The following NUP62CL variants were observed in gnomAD, a reference collection of about 807,000 sequenced individuals.
NUP62CL encodes nucleoporin 62 C-terminal like.
In NUP62CL, 13 loss-of-function variants were observed where a neutral mutation model predicts 15.3. The observed-to-expected ratio is 0.85, with a 90% CI of 0.55 to 1.35. The LOEUF (loss-of-function observed/expected upper bound fraction) is 1.35, where lower values mean the gene tolerates loss of function less well. NUP62CL is among the 40% of genes most tolerant of loss of function. NUP62CL has a pLI of 0.00. For synonymous variants in NUP62CL, 54 were observed against 49.2 expected (o/e 1.10, Z -0.41); for missense variants, 123 against 130.6 (o/e 0.94, Z 0.28).
chrX:107,131,730 C>A, intron 8 of NUP62CL: 1 of 834,844 alleles, frequency 1.2e-6, no homozygotes, highest in Non-Finnish European at 1.8e-6. Flanking sequence ...ATTATTGATT[C>A]AGACTTTCTC....
intron 1 of NUP62CL, among the ~76,000 whole-genome samples, chrX:107,205,337 C>G (rs1927649645): frequency 8.9e-6 from 1 of 112,037 alleles, no homozygotes; most frequent in African/African-American, 3.2e-5. Context: ...TGCAAGACAG[C>G]TAAACTCTGA....
At chrX:107,196,487 G>A (rs978830831) in intron 1 of NUP62CL, among the ~76,000 whole-genome samples, 4 of 111,807 alleles carry the variant, frequency 3.6e-5, no homozygotes, top group African/African-American at 9.8e-5. Context: ...GCTGCAGTGC[G>A]ATGGCACAAT....
In NUP62CL at chrX:107,204,419, C is replaced by T. The variant is rs750955681; in HGVS notation, c.-92+1854G>A. Among the ~76,000 whole-genome samples the T allele has an allele frequency of 3.6e-5, 4 of 111,135 alleles. No homozygotes were observed. In the East Asian group the frequency reaches 1.1e-3, roughly 31 times the overall value. On this transcript the variant is annotated intron_variant, in intron 1 of 8. Coordinates refer to ENST00000372466, the MANE Select transcript of NUP62CL (RefSeq NM_017681.3). ...TTAATCTCAGATCCTGGACCCATCC[C>T]CCACCCCGCTACTTCCTCTACCTGG...
At chrX:107,189,946 A>AAAGAAAGG (rs67249953) in intron 2 of NUP62CL, among the ~76,000 whole-genome samples, 8 of 80,210 alleles carry the variant, frequency 1.0e-4, no homozygotes, top group South Asian at 5.3e-4. Flanking sequence ...AGAAAGAAAG[A>AAAGAAAGG]GAATCGATAC....
chrX:107,150,926 A>T (rs1377566826), intron 7 of NUP62CL: 1 of 342,985 alleles, frequency 2.9e-6, no homozygotes, highest in South Asian at 2.6e-5. Context: ...ATCTTGGGCC[A>T]TTTGTTTCAG....
chrX:107,148,366 T>G (rs1046843522), intron 7 of NUP62CL, among the ~76,000 whole-genome samples: 1 of 111,671 alleles, frequency 9.0e-6, no homozygotes, highest in Non-Finnish European at 1.9e-5. Flanking sequence ...ATATAAGTGG[T>G]GATTACTGGA....
chrX:107,131,774 T>C (rs1925524528), intron 8 of NUP62CL: 3 of 1,109,212 alleles, frequency 2.7e-6, no homozygotes, highest in South Asian at 1.8e-5. Context: ...GTTTTGGGCA[T>C]TGACACTGAG....
At chrX:107,186,782 C>A (rs1440085505) in intron 2 of NUP62CL, among the ~76,000 whole-genome samples, 1 of 111,078 alleles carries the variant, frequency 9.0e-6, no homozygotes, top group East Asian at 2.8e-4. Flanking sequence ...CCTGTAATCC[C>A]AGCCACTTGG....
intron 2 of NUP62CL, among the ~76,000 whole-genome samples, chrX:107,189,902 A>AAAGG (rs1569365662): frequency 0.014 from 1,401 of 100,714 alleles, 58 homozygotes; most frequent in African/African-American, 0.051. Flanking sequence ...AGAAAGAAAG[A>AAAGG]AAGAAAGAAA....
intron 8 of NUP62CL, among the ~76,000 whole-genome samples, chrX:107,145,764 T>C (rs974918642): frequency 9.0e-6 from 1 of 111,709 alleles, no homozygotes. Context: ...GGTAACAAGG[T>C]AGACTTGAAT....
intron 8 of NUP62CL, among the ~76,000 whole-genome samples, chrX:107,124,713 A>T (rs1925349305): frequency 9.0e-6 from 1 of 111,197 alleles, no homozygotes; most frequent in Admixed American, 9.6e-5. Context: ...GAGCGCACTG[A>T]GTATATTTAC....
intron 4 of NUP62CL, among the ~76,000 whole-genome samples, chrX:107,156,072 C>T (rs1602645938): frequency 9.0e-6 from 1 of 110,608 alleles, no homozygotes; most frequent in Admixed American, 9.5e-5. Flanking sequence ...CTTTTCAGAC[C>T]GGCTTAAAAA....
At chrX:107,203,940 T>C (rs1393647720) in intron 1 of NUP62CL, among the ~76,000 whole-genome samples, 1 of 112,061 alleles carries the variant, frequency 8.9e-6, no homozygotes, top group Non-Finnish European at 1.9e-5. Flanking sequence ...TTTTCATAGC[T>C]ATAAATCCAC....
intron 8 of NUP62CL, among the ~76,000 whole-genome samples, chrX:107,127,375 G>A (rs749593518): frequency 1.8e-5 from 2 of 111,926 alleles, no homozygotes; most frequent in East Asian, 5.6e-4. Flanking sequence ...TGGATTGTTT[G>A]ATGTCTGTAC....
chrX:107,199,735 T>C (rs971476181), intron 1 of NUP62CL, among the ~76,000 whole-genome samples: 10 of 111,921 alleles, frequency 8.9e-5, no homozygotes, highest in African/African-American at 1.3e-4. Flanking sequence ...ACCATTTCTA[T>C]AAATAGCAAC....
At chrX:107,197,729 A>G (rs1234629302) in intron 1 of NUP62CL, among the ~76,000 whole-genome samples, 2 of 110,361 alleles carry the variant, frequency 1.8e-5, no homozygotes, top group Admixed American at 9.8e-5. Context: ...TGGCAGTCCA[A>G]TCTAAATGGG....
chrX:107,193,221 A>AT (rs1413758839), intron 1 of NUP62CL, 149 bp from the exon 2 acceptor site: 1 of 112,366 alleles, frequency 8.9e-6, no homozygotes, highest in East Asian at 2.8e-4. Flanking sequence ...TAATAAAAAC[A>AT]TTTTTTAATA....
At chrX:107,187,391 T>TTTTA (rs1242478101) in intron 2 of NUP62CL, among the ~76,000 whole-genome samples, 80 of 111,804 alleles carry the variant, frequency 7.2e-4, no homozygotes, top group African/African-American at 9.4e-4. Context: ...CAGCTAATTC[T>TTTTA]TTTATTTATT....
intron 7 of NUP62CL, among the ~76,000 whole-genome samples, chrX:107,151,333 A>G (rs373530037): frequency 9.7e-4 from 108 of 111,873 alleles, no homozygotes; most frequent in African/African-American, 3.3e-3. Context: ...GGCAATATTC[A>G]ATAGATGCTG....
Sources: allele counts gnomAD v4.1 joint callset (sites outside exome capture counted in the v4.1 genomes callset), GRCh38; gene constraint gnomAD v4.1.1; transcripts MANE v1.5; gene names NCBI Gene and HGNC (gene_info 2026-07-23, HGNC 2026-07-21).